Variants in RABGAP1L observed in about 807,000 individuals in gnomAD.
The protein encoded by RABGAP1L is RAB GTPase activating protein 1 like, also known as rab GTPase-activating protein 1-like.
RABGAP1L carries 63 observed loss-of-function variants against 137.7 expected under a neutral mutation model. The ratio of observed to expected loss-of-function variants is 0.46; its 90% CI spans 0.37 to 0.56. The LOEUF is 0.56. Among genes scored for constraint, RABGAP1L ranks in the 20% least tolerant of loss-of-function variants. The pLI, the probability that RABGAP1L is intolerant of heterozygous loss-of-function variation, is 0.00. For missense variants in RABGAP1L, 1,095 were observed against 1,244.0 expected, an observed-to-expected ratio of 0.88 and a Z score of 1.80; for synonymous variants, 431 against 433.7, an observed-to-expected ratio of 0.99 and a Z score of 0.08.
At chr1:174,905,281 C>G (rs1414442788) in intron 19 of RABGAP1L, among the ~76,000 whole-genome samples, 2 of 152,182 alleles carry the variant, frequency 1.3e-5, no homozygotes, top group African/African-American at 4.8e-5. Flanking sequence ...AGCAACAATT[C>G]AGTCACTAGC....
chr1:174,305,785 C>CT lies in RABGAP1L; in HGVS notation c.1465+661dup, dbSNP rs569659250. 7.7e-3 allele frequency among the ~76,000 whole-genome samples: 1,141 copies of CT among 149,034 alleles called. 9 individuals are homozygous for CT. The highest frequency in any genetic ancestry group is 0.014 in the Middle Eastern group (4 of 290). On this transcript the variant is annotated intron_variant, in intron 11 of 25. Coordinates refer to ENST00000681986, the MANE Select transcript of RABGAP1L (RefSeq NM_001366446.1). Reference sequence around the variant, plus strand: ...TGCATATATATATATATTTTTAATACTTTAAGTTCTAGGGTACATGTGCAC... The same window carrying CT: ...TGCATATATATATATATTTTTAATACTTTTAAGTTCTAGGGTACATGTGCAC...
chr1:174,859,802 G>A (rs1649964474), intron 19 of RABGAP1L, among the ~76,000 whole-genome samples: 1 of 151,818 alleles, frequency 6.6e-6, no homozygotes, highest in Admixed American at 6.6e-5. Flanking sequence ...ACGTTTGCCT[G>A]TGTAACAAAC....
chr1:174,822,153 C>G (rs894628423), intron 19 of RABGAP1L, among the ~76,000 whole-genome samples: 4 of 152,088 alleles, frequency 2.6e-5, no homozygotes, highest in Non-Finnish European at 5.9e-5. Flanking sequence ...CCCAGCTACT[C>G]GAGAGGCTGA....
intron 13 of RABGAP1L, among the ~76,000 whole-genome samples, chr1:174,598,710 T>G (rs1440543271): frequency 3.3e-5 from 5 of 152,196 alleles, no homozygotes; most frequent in Non-Finnish European, 7.3e-5. Context: ...TTATCTGATA[T>G]AAGTGTAGCT....
rs1261196559 is a variant in RABGAP1L at position 174,993,423 on chromosome 1, A to G, written c.*3422A>G. On this transcript the variant is annotated 3_prime_UTR_variant, in exon 26 of 26. Coordinates refer to ENST00000681986, the MANE Select transcript of RABGAP1L (RefSeq NM_001366446.1). ...TTCATTTTTTTCCTATGATGTATTA[A>G]TATTTATTTTTCTCCAACCCCTGCT... 2.5e-5 allele frequency: 3 copies of G among 119,564 alleles called. No homozygotes were observed. The highest frequency in any genetic ancestry group is 4.4e-5 in the Non-Finnish European group (3 of 67,692). The allele number at this position is 119,564 out of a possible 1,614,324, so 7.4% of individuals were successfully genotyped here.
intron 19 of RABGAP1L, among the ~76,000 whole-genome samples, chr1:174,839,967 A>G (rs1415092138): frequency 6.6e-6 from 1 of 152,174 alleles, no homozygotes; most frequent in Non-Finnish European, 1.5e-5. Flanking sequence ...CCAAGAAACT[A>G]TGGGAGGAAT....
chr1:174,967,111 TC>T (rs539364237), intron 20 of RABGAP1L, among the ~76,000 whole-genome samples: 1 of 151,766 alleles, frequency 6.6e-6, no homozygotes, highest in African/African-American at 2.4e-5. Flanking sequence ...GGGGTTTTTT[TC>T]CCCCCTACAA....
chr1:174,445,067 T>G (rs1189668910), intron 13 of RABGAP1L, among the ~76,000 whole-genome samples: 1 of 152,114 alleles, frequency 6.6e-6, no homozygotes, highest in African/African-American at 2.4e-5. Context: ...AAGATTTTTA[T>G]AAAGGAAAAG....
At chr1:174,216,725 G>A (rs771073416) in intron 1 of RABGAP1L, among the ~76,000 whole-genome samples, 9 of 151,840 alleles carry the variant, frequency 5.9e-5, no homozygotes, top group Non-Finnish European at 1.3e-4. Context: ...AGCCAGATAT[G>A]CTGGCAATGA....
intron 12 of RABGAP1L, among the ~76,000 whole-genome samples, chr1:174,385,909 G>A (rs931904811): frequency 6.6e-6 from 1 of 152,164 alleles, no homozygotes; most frequent in Non-Finnish European, 1.5e-5. Flanking sequence ...TGCTATAAAA[G>A]GATGATAGGA....
chr1:174,232,476 C>A (rs1670749591), intron 4 of RABGAP1L, among the ~76,000 whole-genome samples: 1 of 150,346 alleles, frequency 6.7e-6, no homozygotes, highest in Non-Finnish European at 1.5e-5. Context: ...CAGAGACCCC[C>A]ATCTCAATTA....
chr1:174,826,917 G>A (rs914311774), intron 19 of RABGAP1L, among the ~76,000 whole-genome samples: 1 of 152,154 alleles, frequency 6.6e-6, no homozygotes, highest in African/African-American at 2.4e-5. Context: ...TTCTTCATAT[G>A]TGTTTAGGCT....
At chr1:174,853,099 A>G (rs924673407) in intron 19 of RABGAP1L, among the ~76,000 whole-genome samples, 1 of 152,076 alleles carries the variant, frequency 6.6e-6, no homozygotes, top group Admixed American at 6.5e-5. Context: ...TAGAGTAGCA[A>G]AAATTATATT....
intron 13 of RABGAP1L, among the ~76,000 whole-genome samples, chr1:174,414,292 A>G (rs1650289508): frequency 6.6e-6 from 1 of 151,938 alleles, no homozygotes; most frequent in Admixed American, 6.6e-5. Flanking sequence ...TTTATTTCAA[A>G]CTCATGTTGT....
At chr1:174,730,774 C>G (rs1222382253) in intron 17 of RABGAP1L, among the ~76,000 whole-genome samples, 1 of 152,024 alleles carries the variant, frequency 6.6e-6, no homozygotes, top group Non-Finnish European at 1.5e-5. Context: ...CTTAGTTACA[C>G]AAGTTCAAGG....
intron 13 of RABGAP1L, among the ~76,000 whole-genome samples, chr1:174,621,071 C>T (rs1572556579): frequency 6.6e-6 from 1 of 152,064 alleles, no homozygotes. Flanking sequence ...TACACCCTCC[C>T]AAGACTAAAC....
intron 7 of RABGAP1L, among the ~76,000 whole-genome samples, chr1:174,271,588 A>G (rs1178863833): frequency 1.3e-5 from 2 of 152,076 alleles, no homozygotes; most frequent in African/African-American, 2.4e-5. Flanking sequence ...TACGAGACCT[A>G]TAATATAGCA....
chr1:174,925,375 A>C (rs1662586701), intron 19 of RABGAP1L, among the ~76,000 whole-genome samples: 1 of 151,234 alleles, frequency 6.6e-6, no homozygotes, highest in African/African-American at 2.4e-5. Context: ...AAAAAAAAAA[A>C]AAAACAGCAA....
chr1:174,190,301 C>CAAAAA (rs57629149), intron 1 of RABGAP1L, among the ~76,000 whole-genome samples: 12 of 90,106 alleles, frequency 1.3e-4, no homozygotes, highest in African/African-American at 1.8e-4. Flanking sequence ...GACTCCGTTG[C>CAAAAA]AAAAAAAAAA....
Sources: allele counts gnomAD v4.1 joint callset (sites outside exome capture counted in the v4.1 genomes callset), GRCh38; gene constraint gnomAD v4.1.1; transcripts MANE v1.5; gene names NCBI Gene and HGNC (gene_info 2026-07-23, HGNC 2026-07-21).